The following GATAD1 variants were observed in gnomAD, a reference collection of about 807,000 sequenced individuals.
GATAD1 encodes GATA zinc finger domain containing 1, also known as GATA zinc finger domain-containing protein 1.
In GATAD1, 12 loss-of-function variants were observed where a neutral mutation model predicts 26.5. That is an observed-to-expected ratio of 0.45 (90% CI 0.29 to 0.73). The LOEUF is 0.73. Among genes scored for constraint, GATAD1 ranks in the 30% least tolerant of loss-of-function variants. The pLI, the probability that GATAD1 is intolerant of heterozygous loss-of-function variation, is 0.10. For synonymous variants in GATAD1, 129 were observed against 133.1 expected (o/e 0.97, Z 0.21); for missense variants, 266 against 342.1 (o/e 0.78, Z 1.75).
At chr7:92,487,626 T>C in the GATAD1 span, 1,057 of 602,016 alleles carry the variant, frequency 1.8e-3, 7 homozygotes, top group African/African-American at 0.018. Context: ...AACACAATTA[T>C]ATTTTAAGAA....
the GATAD1 span, among the ~76,000 whole-genome samples, chr7:92,481,867 C>T: frequency 6.6e-6 from 1 of 152,116 alleles, no homozygotes; most frequent in Non-Finnish European, 1.5e-5. Context: ...TTTGAGAGAT[C>T]AGTTGGAGAC....
chr7:92,470,863 T>C, the GATAD1 span: 1 of 168,084 alleles, frequency 5.9e-6, no homozygotes, highest in Admixed American at 6.5e-5. Flanking sequence ...CAGATTCTTT[T>C]TAAGGCTATA....
the GATAD1 span, chr7:92,490,009 A>G: frequency 1.1e-6 from 1 of 922,186 alleles, no homozygotes; most frequent in South Asian, 1.4e-5. Context: ...TTAAGCAATA[A>G]AACATTAACA....
the GATAD1 span, chr7:92,487,435 C>A: frequency 7.4e-7 from 1 of 1,351,652 alleles, no homozygotes. Flanking sequence ...CTTAACAGAA[C>A]CAAATCAAAA....
chr7:92,448,342 C>T (rs1039312764), intron 1 of GATAD1, among the ~76,000 whole-genome samples: 1 of 152,184 alleles, frequency 6.6e-6, no homozygotes, highest in African/African-American at 2.4e-5. Context: ...TTGTAAATGG[C>T]AGCTTAAGTA....
chr7:92,488,700 T>C, the GATAD1 span, among the ~76,000 whole-genome samples: 1 of 152,182 alleles, frequency 6.6e-6, no homozygotes, highest in Non-Finnish European at 1.5e-5. Flanking sequence ...AACTTTTAAT[T>C]TTCCTTCTTA....
intron 3 of GATAD1, chr7:92,454,110 G>A (rs551188869): frequency 4.3e-6 from 1 of 232,238 alleles, no homozygotes; most frequent in South Asian, 5.6e-5. Context: ...TAATAGGGGA[G>A]GATGTGCATG....
the GATAD1 span, chr7:92,477,716 A>G: frequency 1.3e-3 from 222 of 172,482 alleles, 2 homozygotes; most frequent in African/African-American, 4.8e-3. Flanking sequence ...GGGAGCGGCA[A>G]TGGGCGCCTC....
At chr7:92,471,592 A>G in the GATAD1 span, 1 of 152,096 alleles carries the variant, frequency 6.6e-6, no homozygotes. Context: ...GGATTACCCT[A>G]TACTAGGGGT....
the GATAD1 span, chr7:92,490,023 A>G: frequency 1.2e-6 from 1 of 844,598 alleles, no homozygotes; most frequent in South Asian, 1.5e-5. Flanking sequence ...ATTAACATAG[A>G]TAAGTATACA....
the GATAD1 span, among the ~76,000 whole-genome samples, chr7:92,479,822 G>A: frequency 6.6e-6 from 1 of 152,090 alleles, no homozygotes; most frequent in Non-Finnish European, 1.5e-5. Flanking sequence ...TGTATAGAAC[G>A]ATTGGTGATG....
At chr7:92,469,935 T>A in the GATAD1 span, 1 of 778,200 alleles carries the variant, frequency 1.3e-6, no homozygotes, top group Non-Finnish European at 2.4e-6. Flanking sequence ...TTGAGAGATC[T>A]AGTCCTTTGT....
the GATAD1 span, among the ~76,000 whole-genome samples, chr7:92,478,632 A>G: frequency 3.9e-5 from 6 of 152,334 alleles, 1 homozygote; most frequent in Admixed American, 3.9e-4. Context: ...TACATAAGTT[A>G]TTAAGAAATA....
At chr7:92,489,623 G>T in the GATAD1 span, 2 of 1,199,830 alleles carry the variant, frequency 1.7e-6, no homozygotes, top group Non-Finnish European at 2.4e-6. Context: ...TATAAATATA[G>T]CTCGTTTATA....
intron 2 of GATAD1, 41 bp downstream of exon 2, chr7:92,448,918 T>G (rs368266030): frequency 3.8e-6 from 6 of 1,584,784 alleles, no homozygotes; most frequent in Non-Finnish European, 5.2e-6. Context: ...GTAATGACGT[T>G]GTGTGTATCC....
chr7:92,493,020 A>C, the GATAD1 span: 1 of 1,613,660 alleles, frequency 6.2e-7, no homozygotes, highest in Non-Finnish European at 8.5e-7. Context: ...TAAAGCTTTC[A>C]GATCAGCTCC....
intron 1 of GATAD1, 137 bp downstream of exon 1, chr7:92,448,115 CCTA>C: frequency 1.9e-6 from 1 of 516,096 alleles, no homozygotes; most frequent in Non-Finnish European, 2.9e-6. Flanking sequence ...CTCCCCACCT[CCTA>C]CTGAGATCTT....
At chr7:92,463,263 G>A (rs574809822), downstream of GATAD1, among the ~76,000 whole-genome samples, 9 of 152,206 alleles carry the variant, frequency 5.9e-5, no homozygotes, top group Non-Finnish European at 8.8e-5. Flanking sequence ...ACAAATTTTC[G>A]GTTTGGAGTG....
At chr7:92,471,265 T>A in the GATAD1 span, 59 of 166,610 alleles carry the variant, frequency 3.5e-4, no homozygotes, top group Admixed American at 3.8e-3. Flanking sequence ...GGTAATGGCC[T>A]GTTCTTTGTT....
Sources: allele counts gnomAD v4.1 joint callset (sites outside exome capture counted in the v4.1 genomes callset), GRCh38; gene constraint gnomAD v4.1.1; transcripts MANE v1.5; gene names NCBI Gene and HGNC (gene_info 2026-07-23, HGNC 2026-07-21).